The following C12orf50 variants were observed in gnomAD, a reference collection of about 807,000 sequenced individuals.
C12orf50 encodes the protein uncharacterized protein C12orf50.
Under a neutral mutation model 61.6 loss-of-function variants are expected in C12orf50, and 35 were observed. The ratio of observed to expected loss-of-function variants is 0.57; its 90% CI spans 0.43 to 0.75. The LOEUF (loss-of-function observed/expected upper bound fraction) is 0.75. Ranked by LOEUF, C12orf50 falls within the 30% of genes least tolerant of loss-of-function variation. The pLI is 0.00. For missense variants in C12orf50, 475 were observed against 488.5 expected (o/e 0.97, Z 0.26); for synonymous variants, 178 against 161.5 (o/e 1.10, Z -0.77).
chr12:88,000,809 T>C (rs11104712), intron 3 of C12orf50, among the ~76,000 whole-genome samples: 14,670 of 151,858 alleles, frequency 0.097, 834 homozygotes, highest in African/African-American at 0.14. Context: ...AAGTGGGATT[T>C]TTCTCATTTC....
chr12:87,998,817 T>C (rs188152478), intron 3 of C12orf50, among the ~76,000 whole-genome samples: 3 of 152,294 alleles, frequency 2.0e-5, no homozygotes, highest in Admixed American at 1.3e-4. Flanking sequence ...CAATTTATGC[T>C]CAGCTGATTT....
intron 3 of C12orf50, among the ~76,000 whole-genome samples, chr12:88,018,870 A>AC (rs1219811963): frequency 4.6e-5 from 7 of 152,042 alleles, no homozygotes; most frequent in African/African-American, 7.2e-5. Context: ...GGCTGTACCT[A>AC]CCCAATGCCT....
chr12:88,026,162 G>A (rs999818242), intron 3 of C12orf50, among the ~76,000 whole-genome samples: 6 of 151,984 alleles, frequency 3.9e-5, no homozygotes, highest in African/African-American at 1.4e-4. Flanking sequence ...CTCTAAGCTT[G>A]GCTTCAGTTG....
intron 3 of C12orf50, among the ~76,000 whole-genome samples, chr12:88,006,150 T>A (rs2031871842): frequency 6.6e-6 from 1 of 152,064 alleles, no homozygotes; most frequent in Admixed American, 6.5e-5. Flanking sequence ...TCTCCTGACC[T>A]CGTGATCCGC....
intron 4 of C12orf50, among the ~76,000 whole-genome samples, chr12:87,997,447 T>C (rs2031448908): frequency 6.6e-6 from 1 of 152,114 alleles, no homozygotes; most frequent in South Asian, 2.1e-4. Context: ...AGTTCTGGGA[T>C]ACATGTACAG....
intron 1 of C12orf50, chr12:88,027,699 T>C (rs1056638555): frequency 3.9e-5 from 6 of 152,216 alleles, no homozygotes; most frequent in African/African-American, 1.4e-4. Flanking sequence ...AAAGTAGATG[T>C]GGATTGTTTT....
At chr12:87,987,567 G>A (rs571163946) in intron 9 of C12orf50, among the ~76,000 whole-genome samples, 11 of 152,134 alleles carry the variant, frequency 7.2e-5, no homozygotes, top group South Asian at 4.2e-4. Flanking sequence ...CACTATGGGC[G>A]CAATTTAAAA....
chr12:87,994,530 C>T, intron 7 of C12orf50, 103 bp downstream of exon 7: 2 of 859,812 alleles, frequency 2.3e-6, no homozygotes, highest in South Asian at 1.8e-5. Context: ...TTGTGTTAAA[C>T]ATGACATGGA....
rs148973219 is a variant in C12orf50 at position 88,025,084 on chromosome 12, G to C, written c.133+1404C>G. The stretch of plus-strand genomic sequence containing the variant: ...TGGGGTGGTAGCTTGTGAGAGAATA[G>C]ATCAAAATGGAGAATTCCATAAATA... On this transcript the variant is annotated intron_variant, in intron 3 of 12. Coordinates refer to ENST00000298699, the MANE Select transcript of C12orf50 (RefSeq NM_152589.3). Among the ~76,000 whole-genome samples the C allele has an allele frequency of 4.2e-4, 64 of 152,270 alleles. No homozygotes were observed. The East Asian group carries it at 0.012, about 28-fold the overall frequency.
intron 11 of C12orf50, chr12:87,983,654 C>T (rs1479908610): frequency 3.3e-5 from 5 of 150,682 alleles, no homozygotes; most frequent in African/African-American, 7.3e-5. Flanking sequence ...GGTTTTTTGT[C>T]CTTGCGATAG....
chr12:87,993,193 C>T (rs2031207347), intron 7 of C12orf50, among the ~76,000 whole-genome samples: 1 of 152,128 alleles, frequency 6.6e-6, no homozygotes, highest in Non-Finnish European at 1.5e-5. Flanking sequence ...CATTTTCTAA[C>T]TCCCAACAAA....
In C12orf50 at chr12:87,985,875, CCT is replaced by C; in HGVS notation, c.1099_1100del (p.Arg367GlyfsTer17). ...HGSYNKVHAN[R>X]EPKPNLSPDK... ...CTGGACTGAGGTTGGGTTTGGGTTC[CCT>C]GTTAGCATGGACTTTATTGTAGGAC... On this transcript the variant is annotated frameshift_variant, in exon 11 of 13. Transcript: ENST00000298699. LOFTEE classifies it high-confidence loss of function. 1 of 1,613,058 alleles carries C rather than the reference CCT, an allele frequency of 6.2e-7. No homozygotes were observed. Among genetic ancestry groups the C allele is most frequent in the Non-Finnish European group, 8.5e-7 (1 of 1,179,812 alleles).
chr12:88,007,173 T>C (rs1377178753), intron 3 of C12orf50, among the ~76,000 whole-genome samples: 1 of 152,160 alleles, frequency 6.6e-6, no homozygotes, highest in African/African-American at 2.4e-5. Context: ...GTTCACAATA[T>C]CTTAGAAAAA....
At chr12:87,983,233 T>A in intron 11 of C12orf50, 38 bp from the exon 12 acceptor site, 1 of 1,363,414 alleles carries the variant, frequency 7.3e-7, no homozygotes, top group East Asian at 2.3e-5. Context: ...ATTTTATAAC[T>A]TTAAAATCAT....
chr12:88,004,629 C>T (rs533289842), intron 3 of C12orf50, among the ~76,000 whole-genome samples: 3 of 152,236 alleles, frequency 2.0e-5, no homozygotes, highest in East Asian at 3.9e-4. Context: ...ATGGAGTCAA[C>T]CTAAATGCCC....
intron 9 of C12orf50, among the ~76,000 whole-genome samples, 169 bp from the exon 10 acceptor site, chr12:87,986,585 G>A (rs1376003080): frequency 6.6e-6 from 1 of 151,972 alleles, no homozygotes; most frequent in African/African-American, 2.4e-5. Context: ...ATTTTTAAGT[G>A]CCAAAAAAAT....
intron 9 of C12orf50, among the ~76,000 whole-genome samples, chr12:87,987,485 C>T (rs151162719): frequency 2.6e-5 from 4 of 152,108 alleles, no homozygotes; most frequent in East Asian, 3.9e-4. Flanking sequence ...CTCACTGAAC[C>T]GAATGTCAGT....
chr12:88,010,624 T>C (rs1220527580), intron 3 of C12orf50, among the ~76,000 whole-genome samples: 1 of 151,604 alleles, frequency 6.6e-6, no homozygotes, highest in African/African-American at 2.4e-5. Context: ...ACTAAACTTA[T>C]AATGAAAAAA....
chr12:87,980,608 T>C (rs913696426), intron 12 of C12orf50, among the ~76,000 whole-genome samples: 3 of 152,124 alleles, frequency 2.0e-5, no homozygotes, highest in Non-Finnish European at 4.4e-5. Flanking sequence ...CTATGGGACA[T>C]GCAGAATGAA....
Sources: allele counts gnomAD v4.1 joint callset (sites outside exome capture counted in the v4.1 genomes callset), GRCh38; gene constraint gnomAD v4.1.1; transcripts MANE v1.5; gene names NCBI Gene and HGNC (gene_info 2026-07-23, HGNC 2026-07-21).